ROBO1: variants seen among roughly 807,000 people sequenced by gnomAD.
ROBO1 encodes the protein roundabout guidance receptor 1.
Under a neutral mutation model 195.9 loss-of-function variants are expected in ROBO1, and 149 were observed. The ratio of observed to expected loss-of-function variants is 0.76; its 90% confidence interval spans 0.67 to 0.87. ROBO1 has a LOEUF of 0.87. ROBO1 is among the 40% of genes least tolerant of loss of function. The pLI is 0.00. For synonymous variants in ROBO1, 816 were observed against 733.2 expected (o/e 1.11, Z -1.82); for missense variants, 1,933 against 2,068.3 (o/e 0.93, Z 1.27).
At chr3:79,004,421 T>C (rs1251478118) in intron 3 of ROBO1, among the ~76,000 whole-genome samples, 1 of 152,106 alleles carries the variant, frequency 6.6e-6, no homozygotes. Context: ...TATGTGCAGG[T>C]TGTAAGTATT....
chr3:78,876,366 G>A (rs565870766), intron 4 of ROBO1, among the ~76,000 whole-genome samples: 1 of 152,146 alleles, frequency 6.6e-6, no homozygotes, highest in African/African-American at 2.4e-5. Context: ...ATTATATCTT[G>A]TTTTTATGAA....
At chr3:78,770,874 G>A (rs569160544) in intron 4 of ROBO1, among the ~76,000 whole-genome samples, 8 of 152,056 alleles carry the variant, frequency 5.3e-5, no homozygotes, top group African/African-American at 1.7e-4. Flanking sequence ...AGACCAACCT[G>A]GGCAACAGAG....
intron 2 of ROBO1, among the ~76,000 whole-genome samples, chr3:79,490,698 A>G (rs1029146145): frequency 6.6e-6 from 1 of 152,200 alleles, no homozygotes; most frequent in African/African-American, 2.4e-5. Flanking sequence ...CTTGGTGCAC[A>G]GCCAATGAAT....
chr3:79,017,263 T>G (rs2108251087), intron 3 of ROBO1, among the ~76,000 whole-genome samples: 1 of 152,202 alleles, frequency 6.6e-6, no homozygotes. Context: ...TCCCCCCTTT[T>G]CTTACTCTGT....
At chr3:79,456,770 A>G (rs531291245) in intron 2 of ROBO1, among the ~76,000 whole-genome samples, 1 of 152,274 alleles carries the variant, frequency 6.6e-6, no homozygotes, top group Non-Finnish European at 1.5e-5. Context: ...GACTTTTAAT[A>G]TAAATTTTAC....
chr3:79,390,958 C>A (rs551339586), intron 2 of ROBO1, among the ~76,000 whole-genome samples: 3 of 151,956 alleles, frequency 2.0e-5, no homozygotes, highest in Admixed American at 2.0e-4. Flanking sequence ...TTAAGAATAC[C>A]CCAAAGCACT....
chr3:79,521,592 T>C (rs528584052), intron 2 of ROBO1, among the ~76,000 whole-genome samples: 6 of 152,188 alleles, frequency 3.9e-5, no homozygotes, highest in Non-Finnish European at 7.3e-5. Context: ...AAGGTTAAAA[T>C]GACTGAAGCC....
intron 26 of ROBO1, 124 bp downstream of exon 26, chr3:78,627,197 G>A (rs888300895): frequency 9.7e-6 from 10 of 1,026,116 alleles, no homozygotes; most frequent in Non-Finnish European, 1.4e-5. Flanking sequence ...GTTTACTATG[G>A]GATGATACTG....
At chr3:79,342,342 T>G (rs115535378) in intron 2 of ROBO1, among the ~76,000 whole-genome samples, 55 of 152,282 alleles carry the variant, frequency 3.6e-4, no homozygotes, top group African/African-American at 1.3e-3. Context: ...AAGAAGTTAT[T>G]GTAACCCCTG....
intron 3 of ROBO1, among the ~76,000 whole-genome samples, chr3:79,116,857 A>G (rs962296245): frequency 2.0e-5 from 3 of 152,068 alleles, no homozygotes; most frequent in African/African-American, 7.2e-5. Context: ...TACTACTACA[A>G]TGTAAATGCC....
At chr3:79,548,481 G>A (rs760242957) in intron 2 of ROBO1, among the ~76,000 whole-genome samples, 5 of 152,190 alleles carry the variant, frequency 3.3e-5, no homozygotes, top group Non-Finnish European at 7.4e-5. Flanking sequence ...CTGATAAGTG[G>A]ATTGTAAGGA....
At chr3:79,644,344 T>A (rs557696714) in intron 1 of ROBO1, among the ~76,000 whole-genome samples, 1 of 152,096 alleles carries the variant, frequency 6.6e-6, no homozygotes, top group Non-Finnish European at 1.5e-5. Flanking sequence ...AAACTACATA[T>A]GTATTAATTT....
chr3:79,162,203 T>C (rs927485701), intron 2 of ROBO1, among the ~76,000 whole-genome samples: 3 of 152,128 alleles, frequency 2.0e-5, no homozygotes, highest in African/African-American at 7.2e-5. Context: ...TGACTATTTG[T>C]CAGGGCTTGA....
intron 2 of ROBO1, among the ~76,000 whole-genome samples, chr3:79,211,728 C>T (rs1004735036): frequency 2.0e-5 from 3 of 151,790 alleles, no homozygotes; most frequent in Admixed American, 1.3e-4. Flanking sequence ...CAGAGCTATT[C>T]TGTTTGGTTC....
At chr3:79,542,449 A>G (rs926066238) in intron 2 of ROBO1, among the ~76,000 whole-genome samples, 4 of 152,052 alleles carry the variant, frequency 2.6e-5, no homozygotes, top group Non-Finnish European at 4.4e-5. Flanking sequence ...CATTAGAAAA[A>G]CTGACATATT....
At chr3:79,418,566 C>T (rs1454361456) in intron 2 of ROBO1, among the ~76,000 whole-genome samples, 2 of 151,970 alleles carry the variant, frequency 1.3e-5, no homozygotes, top group Non-Finnish European at 2.9e-5. Flanking sequence ...AATTAACAAG[C>T]AAAAATAAAG....
intron 10 of ROBO1, among the ~76,000 whole-genome samples, chr3:78,681,527 T>C (rs2080908579): frequency 6.6e-6 from 1 of 152,152 alleles, no homozygotes; most frequent in African/African-American, 2.4e-5. Flanking sequence ...GGTTGGAGTA[T>C]AGAACCTATA....
chr3:78,945,532 C>T (rs1461352058), intron 3 of ROBO1, among the ~76,000 whole-genome samples: 4 of 152,034 alleles, frequency 2.6e-5, no homozygotes, highest in Non-Finnish European at 4.4e-5. Flanking sequence ...TCACCATCAT[C>T]AAAGACCAAA....
At chr3:78,994,886 G>A (rs919113878) in intron 3 of ROBO1, among the ~76,000 whole-genome samples, 12 of 152,032 alleles carry the variant, frequency 7.9e-5, no homozygotes, top group Admixed American at 5.2e-4. Context: ...CATTTAATGG[G>A]AGGCCATTAA....
Sources: allele counts gnomAD v4.1 joint callset (sites outside exome capture counted in the v4.1 genomes callset), GRCh38; gene constraint gnomAD v4.1.1; transcripts MANE v1.5; gene names NCBI Gene and HGNC (gene_info 2026-07-23, HGNC 2026-07-21).